The following MAF variants were observed in gnomAD, a reference collection of about 807,000 sequenced individuals.
MAF encodes the protein MAF bZIP transcription factor.
Under a neutral mutation model 22.0 loss-of-function variants are expected in MAF, and 10 were observed. That is an observed-to-expected ratio of 0.45 (90% CI 0.28 to 0.77). The LOEUF (loss-of-function observed/expected upper bound fraction) is 0.77. Among genes scored for constraint, MAF ranks in the 30% least tolerant of loss-of-function variants. The probability of loss-of-function intolerance (pLI) is 0.12; values close to 1 mark genes in which losing one functional copy is unlikely to be tolerated. For missense variants in MAF, 544 were observed against 548.4 expected, an observed-to-expected ratio of 0.99 and a Z score of 0.08; for synonymous variants, 337 against 255.8, an observed-to-expected ratio of 1.32 and a Z score of -3.03.
At chr16:79,227,562 T>C in the MAF span, among the ~76,000 whole-genome samples, 1 of 152,026 alleles carries the variant, frequency 6.6e-6, no homozygotes, top group Non-Finnish European at 1.5e-5. Context: ...TGCACTCCTA[T>C]TAACCTTGAA....
rs781530641 is a variant in MAF at position 79,598,997 on chromosome 16, G to C, written c.906C>G (p.Ala302=). ...GCACCCTCTTGAAGCGGCAGGACTG[G>C]GCATAGCCGCGGTTTTTCAGGGTCC... The part of the protein sequence containing the change: ...KRRTLKNRGY[A]QSCRFKRVQQ... The change falls in exon 1 of 2, where the codon GCC becomes GCG. Residue 302 remains alanine, a synonymous_variant. Transcript: ENST00000326043. 2.2e-5 allele frequency: 35 copies of C among 1,613,634 alleles called. No homozygotes were observed. Among genetic ancestry groups the C allele is most frequent in the South Asian group, 1.4e-4 (13 of 91,072 alleles).
chr16:79,247,656 T>C, the MAF span, among the ~76,000 whole-genome samples: 1 of 152,186 alleles, frequency 6.6e-6, no homozygotes, highest in Non-Finnish European at 1.5e-5. Flanking sequence ...GTCTTACCAC[T>C]GTCAACCCAT....
At chr16:79,596,919 T>C in intron 1 of MAF, 1 of 1,050,260 alleles carries the variant, frequency 9.5e-7, no homozygotes, top group African/African-American at 1.7e-5. Context: ...GCAGGTTATA[T>C]CTTAGTGCAA....
At chr16:79,212,819 G>A in the MAF span, 2 of 152,172 alleles carry the variant, frequency 1.3e-5, no homozygotes, top group African/African-American at 4.8e-5. Flanking sequence ...TTTCTTCTCT[G>A]AGTGAGTTTG....
the MAF span, among the ~76,000 whole-genome samples, chr16:79,524,802 A>G: frequency 6.6e-6 from 1 of 152,206 alleles, no homozygotes; most frequent in Admixed American, 6.5e-5. Flanking sequence ...AGATAAGATT[A>G]AGTACTTAGG....
chr16:79,220,198 G>C, the MAF span, among the ~76,000 whole-genome samples: 1 of 145,888 alleles, frequency 6.9e-6, no homozygotes, highest in South Asian at 2.2e-4. Flanking sequence ...GGAAGCTGCT[G>C]TGAGCTCAGA....
At chr16:79,342,577 CATCACT>C in the MAF span, among the ~76,000 whole-genome samples, 58 of 152,174 alleles carry the variant, frequency 3.8e-4, no homozygotes, top group Middle Eastern at 3.4e-3. Flanking sequence ...TCACCATCAC[CATCACT>C]GTCACCATCA....
the MAF span, among the ~76,000 whole-genome samples, chr16:79,292,252 A>G: frequency 1.3e-5 from 2 of 152,224 alleles, no homozygotes; most frequent in Non-Finnish European, 2.9e-5. Flanking sequence ...ATACTGGATT[A>G]GGGTGAGCCC....
At chr16:79,497,972 A>G in the MAF span, among the ~76,000 whole-genome samples, 73 of 152,314 alleles carry the variant, frequency 4.8e-4, no homozygotes, top group Non-Finnish European at 7.6e-4. Flanking sequence ...CACCACTCTG[A>G]GAGTAACAAG....
At chr16:79,568,506 A>C in the MAF span, among the ~76,000 whole-genome samples, 1 of 152,174 alleles carries the variant, frequency 6.6e-6, no homozygotes. Context: ...TCACTTCACC[A>C]AATTCTCATT....
At chr16:79,471,865 A>G in the MAF span, among the ~76,000 whole-genome samples, 2 of 152,254 alleles carry the variant, frequency 1.3e-5, no homozygotes, top group African/African-American at 4.8e-5. Flanking sequence ...AATTATTGTT[A>G]GAAGAAAAAA....
At chr16:79,576,471 T>A in the MAF span, among the ~76,000 whole-genome samples, 16 of 152,120 alleles carry the variant, frequency 1.1e-4, no homozygotes, top group Non-Finnish European at 2.2e-4. Flanking sequence ...TTTAACTTTC[T>A]CTGACCCTTA....
the MAF span, among the ~76,000 whole-genome samples, chr16:79,375,812 G>C: frequency 3.9e-5 from 6 of 152,142 alleles, no homozygotes; most frequent in African/African-American, 1.4e-4. Flanking sequence ...GCAAATCCCA[G>C]TTCACTCCCT....
the MAF span, among the ~76,000 whole-genome samples, chr16:79,210,274 T>C: frequency 1.3e-5 from 2 of 152,340 alleles, no homozygotes; most frequent in Admixed American, 6.5e-5. Flanking sequence ...GTCTGCCTTA[T>C]GGCAGATTCT....
At chr16:79,596,011 G>C (rs73587068) in intron 1 of MAF, 28,914 of 1,060,548 alleles carry the variant, frequency 0.027, 442 homozygotes, top group South Asian at 0.056. Context: ...ATCTCGGTGT[G>C]TAAGAGAAGA....
chr16:79,312,079 C>T, the MAF span, among the ~76,000 whole-genome samples: 2 of 151,918 alleles, frequency 1.3e-5, no homozygotes. Context: ...TCTCTGCCTC[C>T]TTCCCTCCTT....
chr16:79,382,937 C>T, the MAF span, among the ~76,000 whole-genome samples: 1 of 152,176 alleles, frequency 6.6e-6, no homozygotes, highest in Non-Finnish European at 1.5e-5. Flanking sequence ...GAGCCCAGGT[C>T]TGTGCTCTAG....
At chr16:79,389,975 T>TAA in the MAF span, among the ~76,000 whole-genome samples, 1 of 14,734 alleles carries the variant, frequency 6.8e-5, no homozygotes, top group South Asian at 4.3e-3. Flanking sequence ...AGACTCCATC[T>TAA]CAAAAAAAAA....
chr16:79,578,567 T>C, the MAF span, among the ~76,000 whole-genome samples: 1 of 151,946 alleles, frequency 6.6e-6, no homozygotes, highest in African/African-American at 2.4e-5. Flanking sequence ...AAAACAGACA[T>C]GGAAATATAA....
Sources: allele counts gnomAD v4.1 joint callset (sites outside exome capture counted in the v4.1 genomes callset), GRCh38; gene constraint gnomAD v4.1.1; transcripts MANE v1.5; gene names NCBI Gene and HGNC (gene_info 2026-07-23, HGNC 2026-07-21).